The following RBFOX3 variants were observed in gnomAD, a reference collection of about 807,000 sequenced individuals.
RBFOX3 encodes the protein RNA binding fox-1 homolog 3, also known as RNA binding protein fox-1 homolog 3.
Under a neutral mutation model 48.7 loss-of-function variants are expected in RBFOX3, and 17 were observed. The observed-to-expected ratio is 0.35, with a 90% CI of 0.24 to 0.52. RBFOX3 has a LOEUF of 0.52. RBFOX3 is among the 20% of genes least tolerant of loss of function. The pLI, the probability that RBFOX3 is intolerant of heterozygous loss-of-function variation, is 0.94. For missense variants in RBFOX3, 382 were observed against 497.5 expected, an observed-to-expected ratio of 0.77 and a Z score of 2.21; for synonymous variants, 212 against 209.5, an observed-to-expected ratio of 1.01 and a Z score of -0.10.
At chr17:79,581,316 G>A (rs1178123943) in intron 1 of RBFOX3, among the ~76,000 whole-genome samples, 2 of 152,166 alleles carry the variant, frequency 1.3e-5, no homozygotes, top group South Asian at 2.1e-4. Flanking sequence ...AGGTTGTCAC[G>A]GAAGCCTCCG....
chr17:79,209,708 C>T (rs566795137), intron 4 of RBFOX3, among the ~76,000 whole-genome samples: 3 of 152,272 alleles, frequency 2.0e-5, no homozygotes, highest in African/African-American at 4.8e-5. Context: ...GAAAGGACGG[C>T]GCTGGCCGGG....
chr17:79,090,958 C>T, intron 14 of RBFOX3, 73 bp from the exon 15 acceptor site: 1 of 1,479,626 alleles, frequency 6.8e-7, no homozygotes, highest in Non-Finnish European at 9.0e-7. Context: ...GCGACAGGAC[C>T]ACGTGGCACG....
intron 1 of RBFOX3, among the ~76,000 whole-genome samples, chr17:79,518,695 A>AC (rs1363238646): frequency 6.6e-6 from 1 of 152,212 alleles, no homozygotes; most frequent in Non-Finnish European, 1.5e-5. Context: ...CCCGTGCAAA[A>AC]CCGGGGTTGA....
At position 79,606,898 on chromosome 17, in the gene RBFOX3, G is replaced by A. The variant is rs913478917; in HGVS notation, c.-320+3928C>T. 4.6e-5 allele frequency among the ~76,000 whole-genome samples: 7 copies of A among 152,186 alleles called. 1 individual carries two copies. Among genetic ancestry groups the A allele is most frequent in the African/African-American group, 1.7e-4 (7 of 41,436 alleles). ...AGCACAGGAGGAAAAAAGAGTTGGG[G>A]AGAGGAAGAGATAGACGGACAGGGA... On this transcript the variant is annotated intron_variant, in intron 1 of 14. Coordinates refer to ENST00000693108, the MANE Select transcript of RBFOX3 (RefSeq NM_001350451.2).
chr17:79,117,524 C>G (rs781718165), intron 4 of RBFOX3, among the ~76,000 whole-genome samples: 1 of 152,216 alleles, frequency 6.6e-6, no homozygotes, highest in African/African-American at 2.4e-5. Context: ...GTCTTTCTCC[C>G]GCTTCCCTCC....
At position 79,389,381 on chromosome 17, in the gene RBFOX3, G is replaced by A. The variant is rs539541150; in HGVS notation, c.-174-81557C>T. ...CCTGCCCCTGGGAGGCCCCCTTTCT[G>A]GACTTTTGACTTCTCCCCGTCAGTA... On this transcript the variant is annotated intron_variant, in intron 2 of 14. Coordinates refer to ENST00000693108, the MANE Select transcript of RBFOX3 (RefSeq NM_001350451.2). 4.6e-5 allele frequency among the ~76,000 whole-genome samples: 7 copies of A among 152,300 alleles called. No individual in the cohort carries two copies. The East Asian group carries it at 1.3e-3, about 29-fold the overall frequency.
intron 1 of RBFOX3, among the ~76,000 whole-genome samples, chr17:79,510,749 G>A (rs2084029986): frequency 6.6e-6 from 1 of 152,152 alleles, no homozygotes; most frequent in Admixed American, 6.5e-5. Flanking sequence ...CGTTTCCCTG[G>A]CATCCGTCAC....
intron 4 of RBFOX3, among the ~76,000 whole-genome samples, chr17:79,217,601 T>A (rs2059218338): frequency 6.6e-6 from 1 of 151,864 alleles, no homozygotes; most frequent in African/African-American, 2.4e-5. Context: ...CACCCAAGGA[T>A]GAGGGTGGGG....
At chr17:79,308,609 G>C (rs1318944323) in intron 2 of RBFOX3, among the ~76,000 whole-genome samples, 1 of 152,162 alleles carries the variant, frequency 6.6e-6, no homozygotes, top group African/African-American at 2.4e-5. Flanking sequence ...TTCCCTCAAA[G>C]GCCAAATGTG....
chr17:79,273,144 C>T (rs767239630), intron 3 of RBFOX3, among the ~76,000 whole-genome samples: 113 of 151,974 alleles, frequency 7.4e-4, no homozygotes, highest in Admixed American at 2.0e-3. Context: ...ACCTGGTGGA[C>T]GGGTGGCACT....
intron 3 of RBFOX3, among the ~76,000 whole-genome samples, chr17:79,296,406 G>A (rs2145135983): frequency 6.6e-6 from 1 of 152,206 alleles, no homozygotes; most frequent in South Asian, 2.1e-4. Context: ...CCAGAGCCGG[G>A]CTGTGTTTTG....
intron 1 of RBFOX3, among the ~76,000 whole-genome samples, chr17:79,573,446 G>C (rs1370481796): frequency 6.6e-6 from 1 of 152,146 alleles, no homozygotes; most frequent in Admixed American, 6.5e-5. Context: ...CTGGAGGAGG[G>C]GCTTCCAGGC....
chr17:79,117,509 G>C (rs1017256240), intron 4 of RBFOX3, among the ~76,000 whole-genome samples: 2 of 152,216 alleles, frequency 1.3e-5, no homozygotes, highest in Non-Finnish European at 2.9e-5. Flanking sequence ...TGCCCCCGCA[G>C]GGCGGTCTTT....
intron 4 of RBFOX3, among the ~76,000 whole-genome samples, chr17:79,152,537 C>A (rs1347198658): frequency 6.6e-6 from 1 of 152,222 alleles, no homozygotes. Context: ...AGCTTCTTCA[C>A]CCCGCTTAAC....
chr17:79,408,216 T>C (rs1280760725), intron 2 of RBFOX3, among the ~76,000 whole-genome samples: 1 of 152,130 alleles, frequency 6.6e-6, no homozygotes, highest in Non-Finnish European at 1.5e-5. Context: ...ACACACTCGA[T>C]GGCTGGGTCT....
chr17:79,287,912 C>T (rs1464166233), intron 3 of RBFOX3, among the ~76,000 whole-genome samples: 1 of 152,190 alleles, frequency 6.6e-6, no homozygotes, highest in Non-Finnish European at 1.5e-5. Flanking sequence ...CGGCACGTCG[C>T]AGACAGTGAG....
At chr17:79,460,383 T>G (rs571270028) in intron 2 of RBFOX3, among the ~76,000 whole-genome samples, 1 of 152,202 alleles carries the variant, frequency 6.6e-6, no homozygotes, top group East Asian at 1.9e-4. Flanking sequence ...GCTTCCAGTC[T>G]ATCATCCACC....
chr17:79,576,469 AGATGGACAACATGGAGAAGATGGAGAT>A (rs2092863381), intron 1 of RBFOX3, among the ~76,000 whole-genome samples: 1 of 152,106 alleles, frequency 6.6e-6, no homozygotes. Flanking sequence ...ATCATGGAGA[AGATGGACAACATGGAGAAGATGGAGAT>A]GATGGAAAAG....
At chr17:79,277,372 T>C (rs1372621359) in intron 3 of RBFOX3, among the ~76,000 whole-genome samples, 2 of 152,150 alleles carry the variant, frequency 1.3e-5, no homozygotes, top group Non-Finnish European at 1.5e-5. Flanking sequence ...ACAATTGAGT[T>C]TAATATTTAA....
Sources: allele counts gnomAD v4.1 joint callset (sites outside exome capture counted in the v4.1 genomes callset), GRCh38; gene constraint gnomAD v4.1.1; transcripts MANE v1.5; gene names NCBI Gene and HGNC (gene_info 2026-07-23, HGNC 2026-07-21).